The following HRNR variants were observed in gnomAD, a reference collection of about 807,000 sequenced individuals.
HRNR encodes the protein hornerin.
A neutral mutation model predicts 4.8 loss-of-function variants in HRNR; 7 were observed. That is an observed-to-expected ratio of 1.47 (90% CI 0.83 to 2.75). The LOEUF is 2.75. HRNR is among the 30% of genes most tolerant of loss of function. HRNR has a pLI of 0.00. For missense variants in HRNR, 2,879 were observed against 3,010.4 expected, an observed-to-expected ratio of 0.96 and a Z score of 1.02; for synonymous variants, 1,023 against 1,242.7, an observed-to-expected ratio of 0.82 and a Z score of 3.72.
chr1:152,219,371 C>T lies in HRNR; in HGVS notation c.2258G>A (p.Gly753Asp), dbSNP rs1421720502. ...TTGATGGGAGCCCGACCCATGCTGACCATAGCTGGAAGACAAACCTGAGCT... is the reference window on the plus strand; with the variant it reads ...TTGATGGGAGCCCGACCCATGCTGATCATAGCTGGAAGACAAACCTGAGCT... ...GSSSGLSSSY[G>D]QHGSGSHQSS... is the part of the protein sequence containing the mutation. Residue 753 changes from glycine to aspartate, a missense_variant, in exon 3 of 3, where the codon GGT (glycine) becomes GAT (aspartate). Transcript: ENST00000368801. 1.9e-6 allele frequency: 3 copies of T among 1,614,024 alleles called. No homozygotes were observed. The highest frequency in any genetic ancestry group is 2.5e-6 in the Non-Finnish European group (3 of 1,180,020).
Position 152,212,716 on chromosome 1 carries a change from TG to T in HRNR, c.*359del, listed in dbSNP as rs1313165835. ...TTTGTAATATTTTGCTTCTAAGAAA[TG>T]TAAGGTTAGCTTTGGCACCATCTAT... is the stretch of plus-strand genomic sequence containing the variant. On this transcript the variant is annotated 3_prime_UTR_variant, in exon 3 of 3. Coordinates refer to ENST00000368801, the MANE Select transcript of HRNR (RefSeq NM_001009931.3). 2 of 270,090 alleles carry T rather than the reference TG, an allele frequency of 7.4e-6. No homozygotes were observed. The highest frequency in any genetic ancestry group is 4.5e-5 in the African/African-American group (2 of 44,194). The allele number at this position is 270,090 out of a possible 1,614,324, so 16.7% of individuals were successfully genotyped here. A position where few individuals can be genotyped will look rare whatever the true frequency, so the allele number is the denominator to read the frequency against.
chr1:152,215,120 GA>G lies in HRNR; in HGVS notation c.6508del (p.Ser2170ArgfsTer291), dbSNP rs756480259. Reference protein sequence around the residue: ...GQHGSGSRQSSGHGRQGSGSG... With the variant: ...GQHGSGSRQSXGHGRQGSGSG... Reference sequence around the variant, plus strand: ...TCCAGACCCTTGTCGGCCGTGGCCCGAAGACTGACGGGAGCCAGACCCATGC... The same window carrying G: ...TCCAGACCCTTGTCGGCCGTGGCCCGAGACTGACGGGAGCCAGACCCATGC... On this transcript the variant is annotated frameshift_variant, in exon 3 of 3. Coordinates refer to ENST00000368801, the MANE Select transcript of HRNR (RefSeq NM_001009931.3). LOFTEE classifies it low-confidence loss of function (END_TRUNC). 6.2e-7 allele frequency: 1 copy of G among 1,611,402 alleles called. No homozygotes were observed. The highest frequency in any genetic ancestry group is 8.5e-7 in the Non-Finnish European group (1 of 1,179,568).
rs1183327843 is a variant in HRNR, at chr1:152,220,634, G to T, written c.995C>A (p.Ser332Tyr). 1 of 1,612,486 alleles carries T rather than the reference G, an allele frequency of 6.2e-7. No individual in the cohort carries two copies. ...HGQHGSGSSY[S>Y]YSRGHYESGS... ...AGACTCATAATGGCCACGGCTGTAA[G>T]AGTAACTTGAGCCAGACCCGTGTTG... The change falls in exon 3 of 3, where the codon TCT (serine) becomes TAT (tyrosine). Residue 332 changes from serine to tyrosine, a missense_variant. Coordinates refer to ENST00000368801, the MANE Select transcript of HRNR (RefSeq NM_001009931.3).
Position 152,219,353 on chromosome 1 carries a change from G to T in HRNR, c.2276C>A (p.Ser759Tyr), listed in dbSNP as rs760292814. Residue 759 changes from serine (S) to tyrosine (Y), a missense_variant, in exon 3 of 3, where the codon TCC (serine) becomes TAC (tyrosine). Physicochemically the swap from Ser to Tyr is moderately radical, Grantham distance 144. Transcript: ENST00000368801. ...SSSYGQHGSG[S>Y]HQSSGHGRQG... The stretch of plus-strand genomic sequence containing the variant: ...TCGGCCGTGGCCCGAAGATTGATGG[G>T]AGCCCGACCCATGCTGACCATAGCT... The T allele has an allele frequency of 5.6e-6, 9 of 1,614,028 alleles. No homozygotes were observed. The highest frequency in any genetic ancestry group is 5.9e-6 in the Non-Finnish European group (7 of 1,180,022).
In HRNR at chr1:152,218,610, G is replaced by C; in HGVS notation, c.3019C>G (p.Pro1007Ala). The change falls in exon 3 of 3, where the codon CCT becomes GCT. Residue 1007 changes from proline (P) to alanine (A), a missense_variant. Physicochemically the swap from Pro to Ala is conservative, Grantham distance 27. Transcript: ENST00000368801. Reference sequence around the variant, plus strand: ...CCATGTCGGCCACGGCTAGGGCTAGGAGACTGGCCAGATCCAGACCCATGT... The same window carrying C: ...CCATGTCGGCCACGGCTAGGGCTAGCAGACTGGCCAGATCCAGACCCATGT... ...GQHGSGSGQS[P>A]SPSRGRHGSG... The C allele has an allele frequency of 1.2e-6, 2 of 1,613,534 alleles. No homozygotes were observed. The highest frequency in any genetic ancestry group is 8.5e-7 in the Non-Finnish European group (1 of 1,179,850).
In HRNR at chr1:152,218,909, C is replaced by T. The variant is rs564528214; in HGVS notation, c.2720G>A (p.Gly907Asp). ...CCGACCGGAGCCAGACCCATGTCGG[C>T]CATAGCTGGGAGACTGCCCTGACCC... ...GSGSGQSPSY[G>D]RHGSGSGRSS... Residue 907 changes from glycine to aspartate, a missense_variant, in exon 3 of 3, where the codon GGC becomes GAC. Physicochemically the swap from Gly to Asp is moderately conservative, Grantham distance 94 (BLOSUM62 -1). Coordinates refer to ENST00000368801, the MANE Select transcript of HRNR (RefSeq NM_001009931.3). The T allele has an allele frequency of 1.3e-4, 210 of 1,613,820 alleles. 5 individuals carry two copies. In the South Asian group the frequency reaches 2.1e-3, roughly 16 times the overall value.
In HRNR at chr1:152,220,142, G is replaced by T. The variant is rs1163302349; in HGVS notation, c.1487C>A (p.Ser496Tyr). The T allele has an allele frequency of 3.1e-6, 5 of 1,613,416 alleles. No individual in the cohort carries two copies. Among genetic ancestry groups the T allele is most frequent in the Non-Finnish European group, 2.5e-6 (3 of 1,179,522 alleles). The change falls in exon 3 of 3, where the codon TCT (serine) becomes TAT (tyrosine). Residue 496 changes from serine to tyrosine, a missense_variant. Physicochemically the swap from Ser to Tyr is moderately radical, Grantham distance 144. This residue lies in a region of HRNR where 2,646 missense variants were observed against 1,377.7 expected (regional missense o/e 1.92). Transcript: ENST00000368801. Reference protein sequence around the residue: ...GHSSGHGQHGSRSGQSSRGER... With the variant: ...GHSSGHGQHGYRSGQSSRGER... The stretch of plus-strand genomic sequence containing the variant: ...ACCCCTAGATGACTGTCCTGACCTA[G>T]AGCCGTGTTGTCCGTGGCCGGAGGA...
Position 152,219,666 on chromosome 1 carries a change from C to T in HRNR, c.1963G>A (p.Gly655Arg), listed in dbSNP as rs754150138. The T allele has an allele frequency of 5.6e-6, 9 of 1,613,302 alleles. No homozygotes were observed. The South Asian group carries it at 6.6e-5, about 12-fold the overall frequency. ...QSSRYGQQGS[G>R]SGQSPSRGRH... ...CCGCGACTAGGAGACTGGCCAGATC[C>T]AGAGCCCTGTTGGCCATAGCGAGAA... Residue 655 changes from glycine to arginine, a missense_variant, in exon 3 of 3, where the codon GGA becomes AGA. Transcript: ENST00000368801.
In HRNR at chr1:152,221,021, G is replaced by A. The variant is rs1233988731; in HGVS notation, c.608C>T (p.Pro203Leu). ...GQCGSGSGQS[P>L]NYGQHGSGSG... ...GCCAGAGCCGTGTTGGCCATAGTTGGGAGACTGCCCTGACCCAGACCCACA... is the reference window on the plus strand; with the variant it reads ...GCCAGAGCCGTGTTGGCCATAGTTGAGAGACTGCCCTGACCCAGACCCACA... Residue 203 changes from proline to leucine, a missense_variant, in exon 3 of 3, where the codon CCC becomes CTC. Physicochemically the swap from Pro to Leu is moderately conservative, Grantham distance 98. Around this residue, in one of 8 missense-constraint regions of HRNR, gnomAD observed 2,646 missense variants for 1,377.7 expected, o/e 1.92. Transcript: ENST00000368801. 1.9e-6 allele frequency: 3 copies of A among 1,614,154 alleles called. No homozygotes were observed. The highest frequency in any genetic ancestry group is 1.7e-6 in the Non-Finnish European group (2 of 1,180,040).
chr1:152,219,246 C>A lies in HRNR; in HGVS notation c.2383G>T (p.Gly795Trp). Residue 795 changes from glycine (G) to tryptophan (W), a missense_variant, in exon 3 of 3, where the codon GGG (glycine) becomes TGG (tryptophan). By Grantham distance (184) the Gly-to-Trp change is radical. Around this residue, in one of 8 missense-constraint regions of HRNR, gnomAD observed 2,646 missense variants for 1,377.7 expected, o/e 1.92. Transcript: ENST00000368801. Reference sequence around the variant, plus strand: ...CTGGAAGAACAACTTGTGCCAGACCCGTGTTGGCCGTGGCTGGAGGAGTGC... The same window carrying A: ...CTGGAAGAACAACTTGTGCCAGACCAGTGTTGGCCGTGGCTGGAGGAGTGC... ...SGHSSSHGQH[G>W]SGTSCSSSCG... 1 of 1,613,668 alleles carries A rather than the reference C, an allele frequency of 6.2e-7. No homozygotes were observed. Among genetic ancestry groups the A allele is most frequent in the Non-Finnish European group, 8.5e-7 (1 of 1,179,774 alleles).
Position 152,221,187 on chromosome 1 carries a change from G to T in HRNR, c.442C>A (p.Leu148Ile). 1.2e-6 allele frequency: 2 copies of T among 1,614,162 alleles called. No homozygotes were observed. The highest frequency in any genetic ancestry group is 1.7e-6 in the Non-Finnish European group (2 of 1,180,024). ...DSYSRNVRGS[L>I]KPGTESISRR... ...GATATGGATTCAGTCCCAGGTTTAA[G>T]ACTTCCTCTGACGTTTCTGGAATAG... Residue 148 changes from leucine (L) to isoleucine (I), a missense_variant, in exon 3 of 3, where the codon CTT (leucine) becomes ATT (isoleucine). By Grantham distance (5) the Leu-to-Ile change is conservative. Coordinates refer to ENST00000368801, the MANE Select transcript of HRNR (RefSeq NM_001009931.3).
rs187389918 is a variant in HRNR, at chr1:152,220,914, C to A, written c.715G>T (p.Gly239Trp). 3.1e-6 allele frequency: 5 copies of A among 1,614,146 alleles called. No individual in the cohort carries two copies. The East Asian group carries it at 8.9e-5, about 29-fold the overall frequency. The change falls in exon 3 of 3, where the codon GGG (glycine) becomes TGG (tryptophan). Residue 239 changes from glycine (G) to tryptophan (W), a missense_variant. Gly to Trp is a radical substitution (Grantham distance 184). Transcript: ENST00000368801. Reference sequence around the variant, plus strand: ...TGCTGACTGTAACCAGAGGACTGCCCTGAGCTAGACTTGTGTTGACTAAAG... The same window carrying A: ...TGCTGACTGTAACCAGAGGACTGCCATGAGCTAGACTTGTGTTGACTAAAG... ...SGFSQHKSSS[G>W]QSSGYSQHGS...
In HRNR at chr1:152,213,097, C is replaced by T. The variant is rs760423812; in HGVS notation, c.8532G>A (p.Gln2844=). ...STSPYEYVQE[Q]RCYFYQ The stretch of plus-strand genomic sequence containing the variant: ...TTATTCACTGATAAAAGTAGCACCT[C>T]TGCTCTTGGACATATTCATAGGGTG... Residue 2844 remains glutamine, a synonymous_variant, in exon 3 of 3, where the codon CAG becomes CAA. Transcript: ENST00000368801. 6.2e-7 allele frequency: 1 copy of T among 1,613,656 alleles called. No homozygotes were observed. Among genetic ancestry groups the T allele is most frequent in the East Asian group, 2.2e-5 (1 of 44,890 alleles).
intron 2 of HRNR, among the ~76,000 whole-genome samples, chr1:152,222,877 GATA>G (rs1294873869): frequency 3.9e-5 from 6 of 152,174 alleles, no homozygotes; most frequent in African/African-American, 9.7e-5. Flanking sequence ...TAGTCACTTA[GATA>G]GGACATTATT....
Position 152,218,346 on chromosome 1 carries a change from T to G in HRNR, c.3283A>C (p.Ser1095Arg). ...CCGTGGCTGGAAGACTGACCTGAGC[T>G]AGCTCCATGTTGGCCACAGCTCGAT... ...QSSSCGQHGA[S>R]SGQSSSHGQH... Residue 1095 changes from serine to arginine, a missense_variant, in exon 3 of 3, where the codon AGC (serine) becomes CGC (arginine). Transcript: ENST00000368801. 1 of 1,610,310 alleles carries G rather than the reference T, an allele frequency of 6.2e-7. No homozygotes were observed. Among genetic ancestry groups the G allele is most frequent in the Non-Finnish European group, 8.5e-7 (1 of 1,179,526 alleles).
rs1648795076 is a variant in HRNR, at chr1:152,218,965, G to T, written c.2664C>A (p.Gly888=). ...CACGCTGGCCGTGGCCTGGAGACTG[G>T]CCAGATCCAGAGCCATGTCGGCCGC... The part of the protein sequence containing the change: ...SGRGRHGSGS[G]QSPGHGQRGS... Residue 888 remains glycine (G), a synonymous_variant, in exon 3 of 3, where the codon GGC becomes GGA. Transcript: ENST00000368801. 1.9e-6 allele frequency: 3 copies of T among 1,613,772 alleles called. No individual in the cohort carries two copies. Among genetic ancestry groups the T allele is most frequent in the East Asian group, 2.2e-5 (1 of 44,868 alleles).
chr1:152,220,108 T>G lies in HRNR; in HGVS notation c.1521A>C (p.Gln507His), dbSNP rs202055955. 358 of 1,612,244 alleles carry G rather than the reference T, an allele frequency of 2.2e-4. 3 individuals are homozygous for G. Among genetic ancestry groups the G allele is most frequent in the Middle Eastern group, 3.3e-4 (2 of 6,054 alleles). ...TGGAAGATGAACCTGCACTAGATCC[T>G]TGTCGTTCACCCCTAGATGACTGTC... ...RSGQSSRGER[Q>H]GSSAGSSSSY... Residue 507 changes from glutamine to histidine, a missense_variant, in exon 3 of 3, where the codon CAA (glutamine) becomes CAC (histidine). Gln to His is a conservative substitution (Grantham distance 24). Coordinates refer to ENST00000368801, the MANE Select transcript of HRNR (RefSeq NM_001009931.3).
Position 152,219,172 on chromosome 1 carries a change from T to A in HRNR, c.2457A>T (p.Gln819His). The change falls in exon 3 of 3, where the codon CAA becomes CAT. Residue 819 changes from glutamine (Q) to histidine (H), a missense_variant. Coordinates refer to ENST00000368801, the MANE Select transcript of HRNR (RefSeq NM_001009931.3). ...AGCCCTGTCCTGAGCCAGACTCGTG[T>A]TGCCCAAAACCAGAAGCCTGGCCTG... ...SGSGQASGFGQHESGSGQGYS... is the reference protein window; with the variant it reads ...SGSGQASGFGHHESGSGQGYS... The A allele has an allele frequency of 6.2e-7, 1 of 1,612,092 alleles. No homozygotes were observed. The highest frequency in any genetic ancestry group is 1.1e-5 in the South Asian group (1 of 90,990).
At position 152,218,381 on chromosome 1, in the gene HRNR, G is replaced by C. The variant is rs752058596; in HGVS notation, c.3248C>G (p.Ser1083Ter). The change falls in exon 3 of 3, where the codon TCA (serine) becomes TGA (stop). Residue 1083 changes from serine to a stop codon, truncating the protein, a stop_gained. Coordinates refer to ENST00000368801, the MANE Select transcript of HRNR (RefSeq NM_001009931.3). LOFTEE classifies it low-confidence loss of function (END_TRUNC). ...SSTHGQHGST[S>*]GQSSSCGQHG... ...TTGGCCACAGCTCGATGACTGTCCT[G>C]ATGTAGAACCGTGTTGCCCATGGGT... 6.2e-7 allele frequency: 1 copy of C among 1,612,642 alleles called. No individual in the cohort carries two copies. The highest frequency in any genetic ancestry group is 8.5e-7 in the Non-Finnish European group (1 of 1,179,962).
Sources: gnomAD v4.1 joint callset for allele counts (sites outside exome capture counted in the v4.1 genomes callset) on GRCh38, gnomAD v4.1.1 for gene constraint, gnomAD v4.1.1 regional missense constraint, MANE v1.5 for transcripts, NCBI Gene and HGNC (gene_info 2026-07-23, HGNC 2026-07-21) for gene names.